Variants in ACKR3 observed in about 807,000 individuals in gnomAD.
ACKR3 encodes C-X-C chemokine receptor type 7.
A neutral mutation model predicts 22.4 loss-of-function variants in ACKR3; 6 were observed. The ratio of observed to expected loss-of-function variants is 0.27; its 90% CI spans 0.15 to 0.53. The LOEUF (loss-of-function observed/expected upper bound fraction) is 0.53. Among genes scored for constraint, ACKR3 ranks in the 20% least tolerant of loss-of-function variants. The pLI, the probability that ACKR3 is intolerant of heterozygous loss-of-function variation, is 0.96. For synonymous variants in ACKR3, 209 were observed against 205.2 expected (o/e 1.02, Z -0.16); for missense variants, 396 against 475.2 (o/e 0.83, Z 1.55).
At chr2:236,569,598 A>C (rs1366323913), upstream of ACKR3, 2 of 152,174 alleles carry the variant, frequency 1.3e-5, no homozygotes, top group Non-Finnish European at 2.9e-5. Flanking sequence ...TTGTGGCTTC[A>C]CCAGATTTTG....
At chr2:236,573,426 A>G (rs1392496958) in intron 1 of ACKR3, among the ~76,000 whole-genome samples, 1 of 152,222 alleles carries the variant, frequency 6.6e-6, no homozygotes, top group Non-Finnish European at 1.5e-5. Context: ...CAAGCGCACC[A>G]TAACCCAGTC....
the ACKR3 span, among the ~76,000 whole-genome samples, chr2:236,542,318 G>A: frequency 6.6e-6 from 1 of 152,144 alleles, no homozygotes; most frequent in Admixed American, 6.5e-5. Context: ...TCCCCCTCAA[G>A]GAGCAGATTG....
At chr2:236,569,233 T>C (rs944608795), upstream of ACKR3, among the ~76,000 whole-genome samples, 2 of 152,250 alleles carry the variant, frequency 1.3e-5, no homozygotes, top group African/African-American at 4.8e-5. Context: ...TAAAGTCCTT[T>C]ACAAATAAAA....
intron 1 of ACKR3, among the ~76,000 whole-genome samples, chr2:236,578,085 C>T (rs1368939628): frequency 2.0e-5 from 3 of 152,332 alleles, no homozygotes; most frequent in African/African-American, 7.2e-5. Context: ...GTGGGGAGAG[C>T]AAAGGTGAAA....
chr2:236,541,895 T>C, the ACKR3 span, among the ~76,000 whole-genome samples: 1 of 152,242 alleles, frequency 6.6e-6, no homozygotes, highest in Non-Finnish European at 1.5e-5. Flanking sequence ...CTCTTTCACC[T>C]TCTGCCATGA....
At chr2:236,551,031 G>A in the ACKR3 span, among the ~76,000 whole-genome samples, 18 of 152,192 alleles carry the variant, frequency 1.2e-4, no homozygotes, top group African/African-American at 4.1e-4. Flanking sequence ...CCCTGTGGAA[G>A]TTTCTGCCTC....
chr2:236,538,967 G>A, the ACKR3 span, among the ~76,000 whole-genome samples: 13 of 152,130 alleles, frequency 8.5e-5, no homozygotes, highest in African/African-American at 3.1e-4. Context: ...TTTCTGGTCA[G>A]GGCTATAGAT....
At chr2:236,546,068 C>T in the ACKR3 span, among the ~76,000 whole-genome samples, 2 of 152,310 alleles carry the variant, frequency 1.3e-5, no homozygotes, top group East Asian at 3.9e-4. The surrounding 1 kb of genome is among the most constrained non-coding windows in gnomAD (Gnocchi z 4.9). Flanking sequence ...AAATACAGGA[C>T]CACGTTTTGT....
At chr2:236,579,991 C>T (rs1037135655) in intron 1 of ACKR3, among the ~76,000 whole-genome samples, 4 of 152,218 alleles carry the variant, frequency 2.6e-5, no homozygotes, top group African/African-American at 9.6e-5. Context: ...TACAGCAGTG[C>T]CAGGAGAGGA....
chr2:236,555,008 G>A, the ACKR3 span, among the ~76,000 whole-genome samples: 1 of 152,198 alleles, frequency 6.6e-6, no homozygotes, highest in South Asian at 2.1e-4. Flanking sequence ...CGTCCTCAGG[G>A]TTTAAATCTC....
the ACKR3 span, among the ~76,000 whole-genome samples, chr2:236,558,110 G>A: frequency 6.6e-6 from 1 of 152,168 alleles, no homozygotes; most frequent in African/African-American, 2.4e-5. Flanking sequence ...GCAGGTTCTT[G>A]GCTTTGCTCA....
rs1201577898 is a variant in ACKR3 at position 236,581,358 on chromosome 2, A to C, written c.893A>C (p.His298Pro). The C allele has an allele frequency of 3.7e-6, 6 of 1,613,894 alleles. No individual in the cohort carries two copies. The highest frequency in any genetic ancestry group is 4.2e-6 in the Non-Finnish European group (5 of 1,180,018). Reference sequence around the variant, plus strand: ...GAGCACGCCCTCTTCACGGCCCTGCATGTCACACAGTGCCTGTCGCTGGTG... The same window carrying C: ...GAGCACGCCCTCTTCACGGCCCTGCCTGTCACACAGTGCCTGTCGCTGGTG... ...RLEHALFTAL[H>P]VTQCLSLVHC... The change falls in exon 2 of 2, where the codon CAT becomes CCT. Residue 298 changes from histidine (H) to proline (P), a missense_variant. Coordinates refer to ENST00000272928, the MANE Select transcript of ACKR3 (RefSeq NM_020311.3). The surrounding 1 kb of genome is among the most constrained non-coding windows in gnomAD (Gnocchi z 4.4).
At position 236,573,338 on chromosome 2, in the gene ACKR3, G is replaced by A. The variant is rs373132230; in HGVS notation, c.-27+3414G>A. On this transcript the variant is annotated intron_variant, in intron 1 of 1. Coordinates refer to ENST00000272928, the MANE Select transcript of ACKR3 (RefSeq NM_020311.3). ...GTTATCTGCTCAAGGAGACCAGAGCGTTTGCTTTTGTAGCATGATTCCCGC... is the reference window on the plus strand; with the variant it reads ...GTTATCTGCTCAAGGAGACCAGAGCATTTGCTTTTGTAGCATGATTCCCGC... Among the ~76,000 whole-genome samples, 30 of 152,304 alleles carry A rather than the reference G, an allele frequency of 2.0e-4. No individual in the cohort carries two copies. In the South Asian group the frequency reaches 2.3e-3, roughly 12 times the overall value.
upstream of ACKR3, among the ~76,000 whole-genome samples, chr2:236,564,279 T>C (rs1046225796): frequency 6.6e-6 from 1 of 152,244 alleles, no homozygotes. Context: ...TCTAGTTTAA[T>C]AAAAACCCTA....
At chr2:236,568,283 G>A (rs1461310208), upstream of ACKR3, among the ~76,000 whole-genome samples, 2 of 152,230 alleles carry the variant, frequency 1.3e-5, no homozygotes, top group African/African-American at 4.8e-5. Flanking sequence ...AGCGGAAACC[G>A]AGCTGCAGTC....
At chr2:236,575,730 C>G (rs985976052) in intron 1 of ACKR3, among the ~76,000 whole-genome samples, 1 of 152,042 alleles carries the variant, frequency 6.6e-6, no homozygotes, top group African/African-American at 2.4e-5. Context: ...AACAGCATGT[C>G]GTAACTCTCC....
At chr2:236,556,828 A>G in the ACKR3 span, among the ~76,000 whole-genome samples, 2 of 152,182 alleles carry the variant, frequency 1.3e-5, no homozygotes, top group Admixed American at 1.3e-4. Context: ...AGCTGAGATC[A>G]CAGTGCCCAC....
At position 236,580,174 on chromosome 2, in the gene ACKR3, A is replaced by G. The variant is rs559977731; in HGVS notation, c.-26-266A>G. Among the ~76,000 whole-genome samples the G allele has an allele frequency of 1.2e-3, 176 of 152,372 alleles. 1 individual carries two copies. Among genetic ancestry groups the G allele is most frequent in the Middle Eastern group, 6.8e-3 (2 of 294 alleles). On this transcript the variant is annotated intron_variant, in intron 1 of 1. Transcript: ENST00000272928. ...CAGCCATGCTGGCGGTGTCTTGAGA[A>G]CACAGCCATGAAAAGATGGAGAAAG...
the ACKR3 span, among the ~76,000 whole-genome samples, chr2:236,551,399 C>T: frequency 2.0e-5 from 3 of 152,200 alleles, no homozygotes; most frequent in South Asian, 6.2e-4. Flanking sequence ...AAAGTGTGCT[C>T]CTGGCCCCCA....
Sources: allele counts gnomAD v4.1 joint callset (sites outside exome capture counted in the v4.1 genomes callset), GRCh38; gene constraint gnomAD v4.1.1; non-coding constraint Gnocchi (gnomAD v3.1); transcripts MANE v1.5; gene names NCBI Gene and HGNC (gene_info 2026-07-23, HGNC 2026-07-21).